The following EEF2K variants were observed in gnomAD, a reference collection of about 807,000 sequenced individuals.
The protein encoded by EEF2K is alternative protein EEF2K.
In EEF2K, 70 loss-of-function variants were observed where a neutral mutation model predicts 93.8. The observed-to-expected ratio is 0.75, with a 90% CI of 0.62 to 0.91. The LOEUF (loss-of-function observed/expected upper bound fraction) is 0.91. Among genes scored for constraint, EEF2K ranks in the 40% least tolerant of loss-of-function variants. The pLI is 0.00. For missense variants in EEF2K, 935 were observed against 972.9 expected (o/e 0.96, Z 0.52); for synonymous variants, 376 against 380.8 (o/e 0.99, Z 0.15).
In EEF2K at chr16:22,264,875, G is replaced by A. The variant is rs770387690; in HGVS notation, c.1435G>A (p.Gly479Arg). 3.1e-6 allele frequency: 5 copies of A among 1,613,916 alleles called. No homozygotes were observed. The highest frequency in any genetic ancestry group is 1.7e-5 in the Admixed American group (1 of 59,996). ...ESDEDSLGSS[G>R]RVCVEKWNLL... Reference sequence around the variant, plus strand: ...TGACGAAGACAGCCTGGGCAGCTCTGGACGGGTAATGCGCCCTGAGGCACC... The same window carrying A: ...TGACGAAGACAGCCTGGGCAGCTCTAGACGGGTAATGCGCCCTGAGGCACC... Residue 479 changes from glycine (G) to arginine (R), a missense_variant, in exon 13 of 18, where the codon GGA becomes AGA. By Grantham distance (125) the Gly-to-Arg change is moderately radical. Coordinates refer to ENST00000263026, the MANE Select transcript of EEF2K (RefSeq NM_013302.5).
At chr16:22,280,454 TA>T in intron 17 of EEF2K, 78 bp downstream of exon 17, 1 of 1,321,226 alleles carries the variant, frequency 7.6e-7, no homozygotes, top group South Asian at 2.3e-5. Context: ...CACTGGGAGT[TA>T]TTTATGACAA....
chr16:22,276,100 C>T (rs1277529840), intron 16 of EEF2K, among the ~76,000 whole-genome samples: 1 of 151,980 alleles, frequency 6.6e-6, no homozygotes, highest in African/African-American at 2.4e-5. Context: ...ATGTGCCACC[C>T]TACCTGGCTA....
chr16:22,246,412 G>A (rs2047291652), intron 3 of EEF2K, among the ~76,000 whole-genome samples: 1 of 151,362 alleles, frequency 6.6e-6, no homozygotes, highest in South Asian at 2.1e-4. Flanking sequence ...CTACTCAGGA[G>A]GCTGAGGCAG....
At chr16:22,260,658 AT>A (rs2047454215) in intron 11 of EEF2K, 129 bp downstream of exon 11, 1 of 1,121,848 alleles carries the variant, frequency 8.9e-7, no homozygotes, top group Admixed American at 2.1e-5. Context: ...AGGGCACAGA[AT>A]GGGGGAATTA....
At chr16:22,278,277 C>A (rs2873168) in intron 16 of EEF2K, among the ~76,000 whole-genome samples, 83,072 of 151,966 alleles carry the variant, frequency 0.55, 26,902 homozygotes, top group African/African-American at 0.88. Flanking sequence ...TTTCCTCATA[C>A]TGGCAGAAAT....
At chr16:22,259,807 C>T (rs759948981) in intron 10 of EEF2K, among the ~76,000 whole-genome samples, 5 of 151,948 alleles carry the variant, frequency 3.3e-5, no homozygotes, top group East Asian at 1.9e-4. Flanking sequence ...GGCTGGAATG[C>T]GGTGGCGTGA....
chr16:22,218,335 T>C (rs1041720693), intron 1 of EEF2K, among the ~76,000 whole-genome samples: 1 of 152,244 alleles, frequency 6.6e-6, no homozygotes, highest in African/African-American at 2.4e-5. Context: ...TACACTAGTG[T>C]GTGCATTGGC....
Position 22,244,681 on chromosome 16 carries a change from G to C in EEF2K, c.298G>C (p.Ala100Pro). The C allele has an allele frequency of 1.2e-6, 2 of 1,614,070 alleles. No homozygotes were observed. The highest frequency in any genetic ancestry group is 1.3e-5 in the African/African-American group (1 of 75,052). Residue 100 changes from alanine (A) to proline (P), a missense_variant, in exon 3 of 18, where the codon GCT (alanine) becomes CCT (proline). Transcript: ENST00000263026. ...QKAKHMPDPW[A>P]EFHLEDIATE... ...GGCCAAGCACATGCCCGACCCCTGG[G>C]CTGAGTTCCACCTGGAAGATATTGC...
intron 2 of EEF2K, among the ~76,000 whole-genome samples, chr16:22,226,654 T>A (rs1444018006): frequency 6.6e-6 from 1 of 151,896 alleles, no homozygotes; most frequent in African/African-American, 2.4e-5. Context: ...TAGCTAAGAT[T>A]ATAGGCTTGT....
chr16:22,218,068 A>C (rs1019468970), intron 1 of EEF2K, among the ~76,000 whole-genome samples: 1 of 152,188 alleles, frequency 6.6e-6, no homozygotes, highest in Non-Finnish European at 1.5e-5. Context: ...TCAAGCAAAA[A>C]GCCCCAGGTT....
chr16:22,217,032 G>C (rs573586604), intron 1 of EEF2K, among the ~76,000 whole-genome samples: 2 of 151,288 alleles, frequency 1.3e-5, no homozygotes, highest in East Asian at 3.9e-4. Flanking sequence ...ATGGTGACGC[G>C]TGCCTGTGGT....
intron 6 of EEF2K, among the ~76,000 whole-genome samples, chr16:22,252,220 G>A (rs776134794): frequency 6.6e-5 from 10 of 152,146 alleles, no homozygotes; most frequent in African/African-American, 2.2e-4. Context: ...TGCTTAATCC[G>A]AAAAGGGAAT....
intron 1 of EEF2K, among the ~76,000 whole-genome samples, chr16:22,214,780 G>A (rs2046944129): frequency 6.6e-6 from 1 of 152,228 alleles, no homozygotes; most frequent in Non-Finnish European, 1.5e-5. Flanking sequence ...GTGGGAAAGG[G>A]ATTCCAGGCA....
rs2047195789 is a variant in EEF2K, at chr16:22,239,023, C to CA, written c.247-5606dup. Among the ~76,000 whole-genome samples, 5 of 151,932 alleles carry CA rather than the reference C, an allele frequency of 3.3e-5. No individual in the cohort carries two copies. The South Asian group carries it at 1.0e-3, about 32-fold the overall frequency. ...ACAAGGAAATGGAGGTTCCCACAGCCAGTCAGTAAGCTGGAACCAGAGTCA... is the reference window on the plus strand; with the variant it reads ...ACAAGGAAATGGAGGTTCCCACAGCCAAGTCAGTAAGCTGGAACCAGAGTCA... On this transcript the variant is annotated intron_variant, in intron 2 of 17. Coordinates refer to ENST00000263026, the MANE Select transcript of EEF2K (RefSeq NM_013302.5).
chr16:22,228,006 C>CTTTT lies in EEF2K; in HGVS notation c.246+2053_246+2056dup, dbSNP rs1051682997. ...ACAGCTATGAAGGATAAACCAAATT[C>CTTTT]TTTTTTTTTTTTTTTTTTTTTTTTT... On this transcript the variant is annotated intron_variant, in intron 2 of 17. Transcript: ENST00000263026. Among the ~76,000 whole-genome samples the CTTTT allele has an allele frequency of 2.5e-3, 199 of 80,060 alleles. 2 individuals are homozygous for CTTTT. Among genetic ancestry groups the CTTTT allele is most frequent in the East Asian group, 3.8e-3 (8 of 2,130 alleles). The allele number at this position is 80,060 out of a possible 152,430, so 52.5% of individuals were successfully genotyped here.
intron 2 of EEF2K, among the ~76,000 whole-genome samples, chr16:22,241,817 G>T (rs2047226449): frequency 6.6e-6 from 1 of 151,604 alleles, no homozygotes; most frequent in Non-Finnish European, 1.5e-5. Context: ...TTTATTTTTT[G>T]AACTCTGCAG....
Position 22,286,901 on chromosome 16 carries a change from C to T in EEF2K, c.*2905C>T. On this transcript the variant is annotated 3_prime_UTR_variant, in exon 18 of 18. Transcript: ENST00000263026. ...GGCTGGAACTGTCACCCCCGCAATT[C>T]TACTCCCCACCCACCCATGTGACCT... 6.6e-6 allele frequency: 1 copy of T among 152,458 alleles called. No homozygotes were observed. The highest frequency in any genetic ancestry group is 1.5e-5 in the Non-Finnish European group (1 of 68,130). 9.4% of individuals were successfully genotyped at this position (152,458 alleles called of 1,614,324 possible). A position where few individuals can be genotyped will look rare whatever the true frequency, so the allele number is the denominator to read the frequency against.
At chr16:22,229,456 T>G (rs1009296462) in intron 2 of EEF2K, among the ~76,000 whole-genome samples, 3 of 152,144 alleles carry the variant, frequency 2.0e-5, no homozygotes, top group African/African-American at 7.2e-5. Context: ...GGCTCACGCC[T>G]GTAATCCCAG....
chr16:22,238,903 CCACTGTTTTTGGTGGGAGTGTGT>C (rs1366383537), intron 2 of EEF2K, among the ~76,000 whole-genome samples: 2 of 152,006 alleles, frequency 1.3e-5, no homozygotes, highest in Non-Finnish European at 2.9e-5. Context: ...CCCCAGTGAG[CCACTGTTTTTGGTGGGAGTGTGT>C]CTACCCTGGG....
Sources: allele counts gnomAD v4.1 joint callset (sites outside exome capture counted in the v4.1 genomes callset), GRCh38; gene constraint gnomAD v4.1.1; transcripts MANE v1.5; gene names NCBI Gene and HGNC (gene_info 2026-07-23, HGNC 2026-07-21).